The following PBX3 variants were observed in gnomAD, a reference collection of about 807,000 sequenced individuals.
PBX3 encodes PBX homeobox 3, also known as pre-B-cell leukemia transcription factor 3.
PBX3 carries 14 observed loss-of-function variants against 48.5 expected under a neutral mutation model. That is an observed-to-expected ratio of 0.29 (90% confidence interval 0.19 to 0.45). The LOEUF (loss-of-function observed/expected upper bound fraction) is 0.45. Among genes scored for constraint, PBX3 ranks in the 20% least tolerant of loss-of-function variants. PBX3 has a pLI of 1.00. For synonymous variants in PBX3, 210 were observed against 200.3 expected, an observed-to-expected ratio of 1.05 and a Z score of -0.41; for missense variants, 386 against 546.7, an observed-to-expected ratio of 0.71 and a Z score of 2.93.
intron 2 of PBX3, among the ~76,000 whole-genome samples, chr9:125,805,404 A>T (rs1838097659): frequency 6.6e-6 from 1 of 152,150 alleles, no homozygotes; most frequent in Admixed American, 6.6e-5. Context: ...ATGCAGTGGG[A>T]AGCGTGTGAA....
chr9:125,824,683 T>C (rs748188173), intron 2 of PBX3, among the ~76,000 whole-genome samples: 5 of 151,826 alleles, frequency 3.3e-5, no homozygotes, highest in Non-Finnish European at 2.9e-5. Flanking sequence ...ATCTATATGA[T>C]GAATTACATT....
chr9:125,914,118 T>A (rs1841269342), intron 2 of PBX3, among the ~76,000 whole-genome samples: 1 of 152,174 alleles, frequency 6.6e-6, no homozygotes, highest in Non-Finnish European at 1.5e-5. Context: ...CCCTTTTAGT[T>A]ATAGAAGAAA....
intron 2 of PBX3, among the ~76,000 whole-genome samples, chr9:125,792,060 ACGC>A (rs1564657227): frequency 1.3e-5 from 2 of 151,788 alleles, no homozygotes; most frequent in Non-Finnish European, 2.9e-5. Context: ...GCACGCACGC[ACGC>A]ACGCACGCAC....
intron 7 of PBX3, 76 bp downstream of exon 7, chr9:125,962,290 G>C: frequency 1.2e-6 from 1 of 808,220 alleles, no homozygotes; most frequent in Non-Finnish European, 2.1e-6. Flanking sequence ...TGACCCCATG[G>C]AAGTGGTCTA....
chr9:125,762,174 AT>A (rs1173268350), intron 2 of PBX3, among the ~76,000 whole-genome samples: 5 of 151,984 alleles, frequency 3.3e-5, no homozygotes, highest in Middle Eastern at 3.4e-3. Flanking sequence ...CCTTCTTGTC[AT>A]TTTTTTTCTT....
At chr9:125,835,351 G>C (rs1046402154) in intron 2 of PBX3, among the ~76,000 whole-genome samples, 2 of 152,144 alleles carry the variant, frequency 1.3e-5, no homozygotes, top group Non-Finnish European at 2.9e-5. Flanking sequence ...TGGCAGAGCT[G>C]GGAGATGGCC....
At chr9:125,780,497 G>A (rs1240821606) in intron 2 of PBX3, among the ~76,000 whole-genome samples, 9 of 140,092 alleles carry the variant, frequency 6.4e-5, no homozygotes, top group South Asian at 2.2e-4. Context: ...CGGACGGGGC[G>A]TCTGGCCGGG....
At chr9:125,857,428 G>T (rs921384614) in intron 2 of PBX3, among the ~76,000 whole-genome samples, 5 of 152,056 alleles carry the variant, frequency 3.3e-5, no homozygotes, top group Non-Finnish European at 7.4e-5. Context: ...TATTCAGGAT[G>T]CAGATAAGTC....
At chr9:125,933,224 T>G (rs140689918) in intron 4 of PBX3, among the ~76,000 whole-genome samples, 1 of 152,214 alleles carries the variant, frequency 6.6e-6, no homozygotes, top group Non-Finnish European at 1.5e-5. Flanking sequence ...CAGTCAGATA[T>G]ATGATTCCCT....
intron 2 of PBX3, among the ~76,000 whole-genome samples, chr9:125,817,544 G>C (rs923227825): frequency 3.3e-5 from 5 of 152,132 alleles, no homozygotes; most frequent in Non-Finnish European, 7.4e-5. Context: ...TATTTGCTGA[G>C]TTGCACAACT....
chr9:125,804,961 AAAAAAG>A lies in PBX3; in HGVS notation c.274+56341_274+56346del, dbSNP rs1471240298. On this transcript the variant is annotated intron_variant, in intron 2 of 8. Coordinates refer to ENST00000373489, the MANE Select transcript of PBX3 (RefSeq NM_006195.6). ...AGGCTCTGTCTTAAAAAAAAAAAAA[AAAAAAG>A]AAGAAGAAGAAGAGGAAGAAGACAG... Among the ~76,000 whole-genome samples, 101 of 60,564 alleles carry A rather than the reference AAAAAAG, an allele frequency of 1.7e-3. 1 individual carries two copies. The highest frequency in any genetic ancestry group is 3.5e-3 in the African/African-American group (95 of 27,404). The allele number at this position is 60,564 out of a possible 152,430, so 39.7% of individuals were successfully genotyped here.
chr9:125,931,209 A>G (rs1248469298), intron 4 of PBX3, among the ~76,000 whole-genome samples: 4 of 152,208 alleles, frequency 2.6e-5, no homozygotes, highest in African/African-American at 9.6e-5. Flanking sequence ...AAAATTTACC[A>G]TGAATACATG....
chr9:125,750,788 A>AAGAGGGATGG (rs1836352537), intron 2 of PBX3, among the ~76,000 whole-genome samples: 1 of 152,212 alleles, frequency 6.6e-6, no homozygotes, highest in African/African-American at 2.4e-5. Context: ...TCTTCCTGCT[A>AAGAGGGATGG]GCCTCTCTAA....
intron 5 of PBX3, among the ~76,000 whole-genome samples, chr9:125,951,843 C>A (rs1488768542): frequency 6.6e-6 from 1 of 152,178 alleles, no homozygotes; most frequent in Admixed American, 6.5e-5. Flanking sequence ...TAGAGGAATG[C>A]ACACAGTGTG....
chr9:125,789,303 T>A (rs1837538329), intron 2 of PBX3, among the ~76,000 whole-genome samples: 1 of 152,226 alleles, frequency 6.6e-6, no homozygotes, highest in African/African-American at 2.4e-5. Flanking sequence ...TTCTGTGGGT[T>A]AGATAGCTAG....
chr9:125,873,517 G>A (rs1210649968), intron 2 of PBX3, among the ~76,000 whole-genome samples: 2 of 152,070 alleles, frequency 1.3e-5, no homozygotes, highest in Admixed American at 6.6e-5. Context: ...AAAACAAGTG[G>A]TTATAAATGA....
At chr9:125,921,107 A>T (rs967991677) in intron 3 of PBX3, among the ~76,000 whole-genome samples, 3 of 152,190 alleles carry the variant, frequency 2.0e-5, no homozygotes, top group African/African-American at 7.2e-5. Context: ...ACCTGATTTC[A>T]TGTTTCAAAG....
At chr9:125,802,350 C>T (rs1273486411) in intron 2 of PBX3, among the ~76,000 whole-genome samples, 1 of 106,822 alleles carries the variant, frequency 9.4e-6, no homozygotes, top group Non-Finnish European at 1.8e-5. Context: ...CTTGTGAGAA[C>T]ATTAGTGCAT....
Position 125,780,945 on chromosome 9 carries a change from C to T in PBX3, c.274+32322C>T, listed in dbSNP as rs1390553558. ...GGGGCAGCTGGGCAGAGACGCTCCTCACCTCCCAGACGGGGTTGCGGCCGG... is the reference window on the plus strand; with the variant it reads ...GGGGCAGCTGGGCAGAGACGCTCCTTACCTCCCAGACGGGGTTGCGGCCGG... On this transcript the variant is annotated intron_variant, in intron 2 of 8. Transcript: ENST00000373489. Among the ~76,000 whole-genome samples, 11 of 133,342 alleles carry T rather than the reference C, an allele frequency of 8.2e-5. No individual in the cohort carries two copies. The East Asian group carries it at 2.6e-3, about 31-fold the overall frequency. 87.5% of individuals were successfully genotyped at this position (133,342 alleles called of 152,430 possible). A position where few individuals can be genotyped will look rare whatever the true frequency, so the allele number is the denominator to read the frequency against.
Sources: allele counts gnomAD v4.1 joint callset (sites outside exome capture counted in the v4.1 genomes callset), GRCh38; gene constraint gnomAD v4.1.1; transcripts MANE v1.5; gene names NCBI Gene and HGNC (gene_info 2026-07-23, HGNC 2026-07-21).